FMN1: variants seen among roughly 807,000 people sequenced by gnomAD.
FMN1 encodes formin-1.
A neutral mutation model predicts 132.4 loss-of-function variants in FMN1; 110 were observed. The ratio of observed to expected loss-of-function variants is 0.83; its 90% CI spans 0.71 to 0.97. The LOEUF is 0.97. Ranked by LOEUF, FMN1 falls within the 50% of genes least tolerant of loss-of-function variation. The pLI, the probability that FMN1 is intolerant of heterozygous loss-of-function variation, is 0.00. For missense variants in FMN1, 1,792 were observed against 1,705.3 expected, an observed-to-expected ratio of 1.05 and a Z score of -0.90; for synonymous variants, 722 against 651.7, an observed-to-expected ratio of 1.11 and a Z score of -1.64.
chr15:32,820,362 T>C (rs2058178070), intron 17 of FMN1, among the ~76,000 whole-genome samples: 1 of 152,186 alleles, frequency 6.6e-6, no homozygotes, highest in South Asian at 2.1e-4. Context: ...TTAATTCTAT[T>C]ATGAAACTGA....
chr15:33,061,338 T>G (rs1156364357), intron 6 of FMN1, among the ~76,000 whole-genome samples: 1 of 151,966 alleles, frequency 6.6e-6, no homozygotes, highest in African/African-American at 2.4e-5. Flanking sequence ...CTAAGAAAAA[T>G]AAATCACAAG....
chr15:33,132,918 C>A (rs1007636135), intron 4 of FMN1, among the ~76,000 whole-genome samples: 5 of 152,160 alleles, frequency 3.3e-5, no homozygotes, highest in Admixed American at 3.3e-4. Flanking sequence ...ACACACCCCC[C>A]TCTACTGGAC....
intron 9 of FMN1, among the ~76,000 whole-genome samples, chr15:32,960,587 T>C (rs1249337723): frequency 6.6e-6 from 1 of 152,208 alleles, no homozygotes; most frequent in East Asian, 1.9e-4. Context: ...CTGATTTGAT[T>C]AACAGAAAAC....
In FMN1 at chr15:32,768,191, T is replaced by C. The variant is rs938742221; in HGVS notation, c.*6119A>G. ...CAGAGTGTTCATCCCTCAACACTTA[T>C]CATCCATGTCATGGGGAGGTAGAGA... On this transcript the variant is annotated 3_prime_UTR_variant, in exon 21 of 21. Transcript: ENST00000616417. The C allele has an allele frequency of 4.0e-5, 6 of 151,896 alleles. No individual in the cohort carries two copies. Among genetic ancestry groups the C allele is most frequent in the Non-Finnish European group, 7.3e-5 (5 of 68,034 alleles). The allele number at this position is 151,896 out of a possible 1,614,324, so 9.4% of individuals were successfully genotyped here. A position where few individuals can be genotyped will look rare whatever the true frequency, so the allele number is the denominator to read the frequency against.
chr15:33,068,134 T>C (rs2037833069), intron 5 of FMN1: 2 of 816,758 alleles, frequency 2.4e-6, no homozygotes, highest in African/African-American at 1.7e-5. Flanking sequence ...CAGCCGAGGC[T>C]GCGCACCTTA....
At chr15:33,098,300 A>C (rs773552933) in intron 4 of FMN1, among the ~76,000 whole-genome samples, 56 of 152,224 alleles carry the variant, frequency 3.7e-4, no homozygotes, top group Middle Eastern at 6.8e-3. Context: ...GGACTGGGGG[A>C]GATGTCAGGC....
chr15:32,788,033 T>C (rs142447877), intron 19 of FMN1, among the ~76,000 whole-genome samples: 5 of 125,822 alleles, frequency 4.0e-5, no homozygotes, highest in East Asian at 2.3e-4. Flanking sequence ...AGCCACTTCA[T>C]AGTTTTTGTG....
chr15:32,949,375 T>C (rs2061575492), intron 9 of FMN1, among the ~76,000 whole-genome samples: 1 of 151,810 alleles, frequency 6.6e-6, no homozygotes, highest in South Asian at 2.1e-4. Flanking sequence ...ACAGAGAACC[T>C]ATTCACTGCC....
At chr15:32,882,139 A>G (rs1188356798) in intron 16 of FMN1, among the ~76,000 whole-genome samples, 2 of 152,250 alleles carry the variant, frequency 1.3e-5, no homozygotes, top group South Asian at 4.2e-4. Flanking sequence ...ATTCAATCCA[A>G]TTTTTATCTG....
intron 3 of FMN1, among the ~76,000 whole-genome samples, chr15:33,166,990 T>C (rs532321662): frequency 4.0e-4 from 61 of 152,194 alleles, no homozygotes; most frequent in African/African-American, 1.4e-3. Flanking sequence ...GGCAGGAAGA[T>C]AGCAATTTGT....
chr15:33,006,069 C>T (rs1388784241), intron 7 of FMN1, among the ~76,000 whole-genome samples: 3 of 152,138 alleles, frequency 2.0e-5, no homozygotes, highest in Non-Finnish European at 4.4e-5. Context: ...AATAACATAA[C>T]ATATAATCCA....
intron 4 of FMN1, among the ~76,000 whole-genome samples, chr15:33,121,563 T>C (rs1164844338): frequency 3.3e-5 from 5 of 152,218 alleles, no homozygotes; most frequent in Non-Finnish European, 7.3e-5. Flanking sequence ...ATAGTCTTGC[T>C]CTGTCGCCAG....
intron 15 of FMN1, among the ~76,000 whole-genome samples, chr15:32,898,156 G>C (rs2060204679): frequency 6.6e-6 from 1 of 152,164 alleles, no homozygotes; most frequent in South Asian, 2.1e-4. Context: ...CGATGCTTAG[G>C]AACAATTATG....
chr15:32,898,848 G>A lies in FMN1; in HGVS notation c.3700C>T (p.Arg1234Cys), dbSNP rs200873951. Residue 1234 changes from arginine to cysteine, a missense_variant, in exon 15 of 21, where the codon CGT becomes TGT. Arg to Cys is a radical substitution (Grantham distance 180). Transcript: ENST00000616417. ...CCATTTCTTACCTGATCATAGTAAC[G>A]CAGGTAATACTTAACAACGTAGTCC... ...LVDYVVKYYL[R>C]YYDQEAGTEK... 30 of 1,596,168 alleles carry A rather than the reference G, an allele frequency of 1.9e-5. No homozygotes were observed. Among genetic ancestry groups the A allele is most frequent in the Non-Finnish European group, 2.3e-5 (27 of 1,165,072 alleles).
chr15:32,892,000 A>G (rs1766791059), intron 15 of FMN1, among the ~76,000 whole-genome samples: 1 of 152,120 alleles, frequency 6.6e-6, no homozygotes, highest in South Asian at 2.1e-4. Context: ...ATCATCAGCA[A>G]ACAGTGACAG....
intron 15 of FMN1, among the ~76,000 whole-genome samples, chr15:32,896,491 G>C (rs888756099): frequency 6.6e-6 from 1 of 152,066 alleles, no homozygotes; most frequent in Admixed American, 6.6e-5. Flanking sequence ...GTACAGTATA[G>C]TATTGTTAGC....
chr15:32,956,787 T>G (rs1190209069), intron 9 of FMN1, among the ~76,000 whole-genome samples: 1 of 152,196 alleles, frequency 6.6e-6, no homozygotes, highest in Admixed American at 6.5e-5. Context: ...ATTATCTTTG[T>G]ACACCAAAGC....
chr15:33,126,915 T>C (rs1212069120), intron 4 of FMN1, among the ~76,000 whole-genome samples: 1 of 152,234 alleles, frequency 6.6e-6, no homozygotes, highest in Non-Finnish European at 1.5e-5. Flanking sequence ...GATAAACGTT[T>C]CATCTTGATT....
intron 3 of FMN1, among the ~76,000 whole-genome samples, chr15:33,176,030 T>C (rs765086590): frequency 1.3e-5 from 2 of 152,102 alleles, no homozygotes; most frequent in Non-Finnish European, 2.9e-5. Flanking sequence ...TTGAGAGAAA[T>C]AGTCGGTTAG....
Sources: allele counts gnomAD v4.1 joint callset (sites outside exome capture counted in the v4.1 genomes callset), GRCh38; gene constraint gnomAD v4.1.1; transcripts MANE v1.5; gene names NCBI Gene and HGNC (gene_info 2026-07-23, HGNC 2026-07-21).